ROR1: variants seen among roughly 807,000 people sequenced by gnomAD.
ROR1 encodes ROR family WNT receptor 1, also known as inactive tyrosine-protein kinase transmembrane receptor ROR1.
In ROR1, 19 loss-of-function variants were observed where a neutral mutation model predicts 78.8. That is an observed-to-expected ratio of 0.24 (90% CI 0.17 to 0.35). The LOEUF is 0.35. Among genes scored for constraint, ROR1 ranks in the 10% least tolerant of loss-of-function variants. The pLI is 1.00. For missense variants in ROR1, 917 were observed against 1,177.8 expected, an observed-to-expected ratio of 0.78 and a Z score of 3.24; for synonymous variants, 386 against 433.6, an observed-to-expected ratio of 0.89 and a Z score of 1.36.
chr1:63,952,870 G>A (rs1014738852), intron 1 of ROR1, among the ~76,000 whole-genome samples: 1 of 152,098 alleles, frequency 6.6e-6, no homozygotes, highest in African/African-American at 2.4e-5. Context: ...TTACTTGAGG[G>A]TGGTTTTGGG....
In ROR1 at chr1:64,178,438, G is replaced by A. The variant is rs377219658; in HGVS notation, c.2397G>A (p.Gln799=). 4.3e-6 allele frequency: 7 copies of A among 1,614,144 alleles called. No homozygotes were observed. Among genetic ancestry groups the A allele is most frequent in the South Asian group, 2.2e-5 (2 of 91,078 alleles). The change falls in exon 9 of 9, where the codon CAG becomes CAA. Residue 799 remains glutamine, a synonymous_variant. Transcript: ENST00000371079. This position sits in a 1 kb window ranked among gnomAD's most constrained non-coding sequence, Gnocchi z 4.3. ...YMFPSQGITP[Q]GQIAGFIGPP... Reference sequence around the variant, plus strand: ...TCCCGAGCCAGGGTATTACACCACAGGGCCAGATTGCTGGTTTCATTGGCC... The same window carrying A: ...TCCCGAGCCAGGGTATTACACCACAAGGCCAGATTGCTGGTTTCATTGGCC...
At chr1:63,905,695 GA>G (rs1645522818) in intron 1 of ROR1, among the ~76,000 whole-genome samples, 1 of 152,144 alleles carries the variant, frequency 6.6e-6, no homozygotes, top group African/African-American at 2.4e-5. Flanking sequence ...CACCATCATG[GA>G]AAAGCTCATC....
At position 64,140,346 on chromosome 1, in the gene ROR1, A is replaced by G; in HGVS notation, c.848A>G (p.Glu283Gly). ...ILMRLKLPNC[E>G]DLPQPESPEA... ...ATGAGGCTGAAACTGCCAAACTGTG[A>G]AGATCTCCCCCAGCCAGAGAGCCCA... Residue 283 changes from glutamate (E) to glycine (G), a missense_variant, in exon 6 of 9, where the codon GAA (glutamate) becomes GGA (glycine). Transcript: ENST00000371079. 1.2e-6 allele frequency: 2 copies of G among 1,612,448 alleles called. No homozygotes were observed. The highest frequency in any genetic ancestry group is 1.7e-6 in the Non-Finnish European group (2 of 1,179,418).
chr1:63,777,190 C>T (rs537878258), intron 1 of ROR1, among the ~76,000 whole-genome samples: 1 of 152,310 alleles, frequency 6.6e-6, no homozygotes, highest in South Asian at 2.1e-4. Context: ...TAGGAACCTA[C>T]CTGGCCTTTC....
At chr1:63,822,231 G>A (rs931217073) in intron 1 of ROR1, among the ~76,000 whole-genome samples, 21 of 152,214 alleles carry the variant, frequency 1.4e-4, no homozygotes, top group African/African-American at 4.6e-4. Flanking sequence ...TGAAACTGTG[G>A]TATATGTAAC....
At chr1:63,861,377 G>A (rs1569831840) in intron 1 of ROR1, among the ~76,000 whole-genome samples, 1 of 152,168 alleles carries the variant, frequency 6.6e-6, no homozygotes, top group Admixed American at 6.5e-5. Flanking sequence ...TTTGCCAATA[G>A]TCATTCCTTT....
intron 1 of ROR1, among the ~76,000 whole-genome samples, chr1:63,798,162 A>G (rs1178937136): frequency 1.3e-5 from 2 of 152,148 alleles, no homozygotes; most frequent in Non-Finnish European, 2.9e-5. Flanking sequence ...AATTGTTACC[A>G]ATCTAGAGAA....
intron 1 of ROR1, among the ~76,000 whole-genome samples, chr1:63,919,488 C>CTTTTT (rs10644304): frequency 1.1e-4 from 13 of 122,180 alleles, no homozygotes; most frequent in Non-Finnish European, 1.4e-4. Flanking sequence ...ATTGAATTGG[C>CTTTTT]TTTTTTTTTT....
chr1:64,043,496 C>T (rs922650966), intron 2 of ROR1, among the ~76,000 whole-genome samples: 2 of 152,120 alleles, frequency 1.3e-5, no homozygotes, highest in Non-Finnish European at 2.9e-5. Flanking sequence ...CAGTACAGAC[C>T]ATGCCTGCAC....
chr1:63,902,296 G>A (rs928483768), intron 1 of ROR1, among the ~76,000 whole-genome samples: 1 of 151,746 alleles, frequency 6.6e-6, no homozygotes, highest in African/African-American at 2.4e-5. Context: ...ACCTTAGTGT[G>A]GTCAGACCCT....
Position 64,086,689 on chromosome 1 carries a change from T to C in ROR1, c.482+35973T>C, listed in dbSNP as rs577918569. Among the ~76,000 whole-genome samples, 6 of 152,314 alleles carry C rather than the reference T, an allele frequency of 3.9e-5. No individual in the cohort carries two copies. In the East Asian group the frequency reaches 1.2e-3, roughly 29 times the overall value. Reference sequence around the variant, plus strand: ...CAGGGCTGTTGTCTAATATTTCTCTTTTTCACAGTCTACCCAGCACAACCC... The same window carrying C: ...CAGGGCTGTTGTCTAATATTTCTCTCTTTCACAGTCTACCCAGCACAACCC... On this transcript the variant is annotated intron_variant, in intron 4 of 8. Coordinates refer to ENST00000371079, the MANE Select transcript of ROR1 (RefSeq NM_005012.4).
chr1:63,780,170 A>G, intron 1 of ROR1, among the ~76,000 whole-genome samples: 1 of 145,550 alleles, frequency 6.9e-6, no homozygotes, highest in South Asian at 2.2e-4. Flanking sequence ...AGAACCATAG[A>G]TTTTTTTTTT....
chr1:64,143,652 T>A lies in ROR1; in HGVS notation c.1174+1002T>A, dbSNP rs116478953. 6.2e-3 allele frequency among the ~76,000 whole-genome samples: 941 copies of A among 152,264 alleles called. 6 individuals are homozygous for A. The highest frequency in any genetic ancestry group is 0.022 in the African/African-American group (912 of 41,534). ...GAATATTTGTTGAGTACCTACTAAG[T>A]GCCAAGTACTTACTCATCCGAGCAT... On this transcript the variant is annotated intron_variant, in intron 7 of 8. Transcript: ENST00000371079.
chr1:63,783,515 G>A (rs1243689863), intron 1 of ROR1, among the ~76,000 whole-genome samples: 2 of 152,090 alleles, frequency 1.3e-5, no homozygotes, highest in Non-Finnish European at 2.9e-5. Context: ...TCTTCAGGAC[G>A]ACCCTATGAG....
chr1:64,069,163 C>T (rs552358215), intron 4 of ROR1, among the ~76,000 whole-genome samples: 93 of 150,566 alleles, frequency 6.2e-4, no homozygotes, highest in African/African-American at 2.2e-3. Flanking sequence ...TAACTGGTGG[C>T]GGGGGGAACT....
chr1:64,010,459 T>A (rs1055397990), intron 2 of ROR1, among the ~76,000 whole-genome samples: 1 of 151,844 alleles, frequency 6.6e-6, no homozygotes, highest in Admixed American at 6.6e-5. Flanking sequence ...ATGAGTCACA[T>A]CTTACCTGGT....
chr1:64,074,249 A>T (rs1344089237), intron 4 of ROR1, among the ~76,000 whole-genome samples: 1 of 152,120 alleles, frequency 6.6e-6, no homozygotes, highest in African/African-American at 2.4e-5. Context: ...AAGTCACTGG[A>T]CTTGTCAGTT....
intron 7 of ROR1, among the ~76,000 whole-genome samples, chr1:64,145,355 A>G (rs1473467588): frequency 6.6e-6 from 1 of 152,224 alleles, no homozygotes; most frequent in Non-Finnish European, 1.5e-5. Flanking sequence ...AAAATATTGA[A>G]AAGAACCCTA....
intron 1 of ROR1, among the ~76,000 whole-genome samples, chr1:63,910,185 CTT>C (rs747491891): frequency 2.4e-4 from 36 of 152,276 alleles, no homozygotes; most frequent in Non-Finnish European, 3.8e-4. Context: ...TAGCTGCACT[CTT>C]TGAATGATGA....
Sources: gnomAD v4.1 joint callset for allele counts (sites outside exome capture counted in the v4.1 genomes callset) on GRCh38, gnomAD v4.1.1 for gene constraint, Gnocchi (gnomAD v3.1) non-coding constraint, MANE v1.5 for transcripts, NCBI Gene and HGNC (gene_info 2026-07-23, HGNC 2026-07-21) for gene names.